PTPRD: variants seen among roughly 807,000 people sequenced by gnomAD.
PTPRD encodes the protein receptor-type tyrosine-protein phosphatase delta.
Under a neutral mutation model 214.5 loss-of-function variants are expected in PTPRD, and 34 were observed. That is an observed-to-expected ratio of 0.16 (90% CI 0.12 to 0.21). PTPRD has a LOEUF of 0.21. Among genes scored for constraint, PTPRD ranks in the 10% least tolerant of loss-of-function variants. The pLI, the probability that PTPRD is intolerant of heterozygous loss-of-function variation, is 1.00. For synonymous variants in PTPRD, 1,128 were observed against 845.7 expected (o/e 1.33, Z -5.79); for missense variants, 2,545 against 2,398.7 (o/e 1.06, Z -1.27).
At chr9:10,302,505 G>T (rs2095893261) in intron 3 of PTPRD, among the ~76,000 whole-genome samples, 1 of 152,190 alleles carries the variant, frequency 6.6e-6, no homozygotes, top group African/African-American at 2.4e-5. Context: ...TTGGTGTGCT[G>T]TATTCGGGAG....
In PTPRD at chr9:8,638,103, C is replaced by CTTT. The variant is rs963311950; in HGVS notation, c.65-1262_65-1260dup. On this transcript the variant is annotated intron_variant, in intron 12 of 45. Transcript: ENST00000381196. ...GCCCCAAAACATTTTGCTGTTCCTT[C>CTTT]TTTTTTTTTTTTTTTTTTAATTTCT... Among the ~76,000 whole-genome samples, 624 of 127,020 alleles carry CTTT rather than the reference C, an allele frequency of 4.9e-3. 3 individuals are homozygous for CTTT. The highest frequency in any genetic ancestry group is 0.018 in the East Asian group (78 of 4,336). 83.3% of individuals were successfully genotyped at this position (127,020 alleles called of 152,430 possible).
At chr9:10,492,596 G>A (rs1032068486) in intron 2 of PTPRD, among the ~76,000 whole-genome samples, 1 of 152,004 alleles carries the variant, frequency 6.6e-6, no homozygotes, top group African/African-American at 2.4e-5. Flanking sequence ...TACATTCCTT[G>A]TAGATTCTGG....
chr9:10,214,546 G>C (rs1230671068), intron 3 of PTPRD, among the ~76,000 whole-genome samples: 1 of 150,412 alleles, frequency 6.6e-6, no homozygotes, highest in Non-Finnish European at 1.5e-5. Flanking sequence ...AAAGTGCTAA[G>C]AATACACACC....
intron 5 of PTPRD, among the ~76,000 whole-genome samples, chr9:9,781,926 G>A (rs953110161): frequency 2.0e-5 from 3 of 151,974 alleles, no homozygotes; most frequent in Admixed American, 2.0e-4. Flanking sequence ...CCAAGTAGCT[G>A]GGACTACAGG....
intron 2 of PTPRD, among the ~76,000 whole-genome samples, chr9:10,484,099 T>C (rs1464069667): frequency 6.6e-6 from 1 of 152,120 alleles, no homozygotes; most frequent in South Asian, 2.1e-4. Flanking sequence ...ACACACACCA[T>C]GGAATACTGC....
At chr9:9,897,873 T>C (rs74509005) in intron 5 of PTPRD, among the ~76,000 whole-genome samples, 3 of 152,188 alleles carry the variant, frequency 2.0e-5, no homozygotes, top group East Asian at 1.9e-4. Context: ...CCTAATAGTA[T>C]ACATTTTAGG....
intron 2 of PTPRD, among the ~76,000 whole-genome samples, chr9:10,364,370 A>G (rs2097470183): frequency 6.6e-6 from 1 of 152,060 alleles, no homozygotes; most frequent in Non-Finnish European, 1.5e-5. Context: ...AAGCTATAGC[A>G]TCTATTTGAT....
chr9:8,682,689 AT>A, intron 12 of PTPRD, among the ~76,000 whole-genome samples: 1 of 152,346 alleles, frequency 6.6e-6, no homozygotes. Flanking sequence ...AGAACATCAC[AT>A]TTAAGGAAAA....
chr9:8,486,160 T>A lies in PTPRD; in HGVS notation c.2657A>T (p.His886Leu), dbSNP rs2097001543. ...KEDHFTATDI[H>L]KGASYVFRLS... Reference sequence around the variant, plus strand: ...CCTGAAGACGTATGATGCTCCCTTGTGGATGTCTGTAGCTGTAAAGTGATC... The same window carrying A: ...CCTGAAGACGTATGATGCTCCCTTGAGGATGTCTGTAGCTGTAAAGTGATC... Residue 886 changes from histidine to leucine, a missense_variant, in exon 28 of 46, where the codon CAC becomes CTC. Transcript: ENST00000381196. 1 of 1,614,204 alleles carries A rather than the reference T, an allele frequency of 6.2e-7. No individual in the cohort carries two copies. Among genetic ancestry groups the A allele is most frequent in the Non-Finnish European group, 8.5e-7 (1 of 1,180,024 alleles).
At chr9:8,837,201 G>C (rs1473411108) in intron 11 of PTPRD, among the ~76,000 whole-genome samples, 1 of 151,712 alleles carries the variant, frequency 6.6e-6, no homozygotes, top group Non-Finnish European at 1.5e-5. Context: ...TTTCAGTAGA[G>C]ACAGAGTTTC....
chr9:9,815,822 A>C (rs1458579908), intron 5 of PTPRD, among the ~76,000 whole-genome samples: 1 of 152,162 alleles, frequency 6.6e-6, no homozygotes, highest in Non-Finnish European at 1.5e-5. Context: ...TGGGGATTTA[A>C]TGTATGACAT....
chr9:9,155,120 A>C (rs1224504164), intron 10 of PTPRD, among the ~76,000 whole-genome samples: 1 of 152,178 alleles, frequency 6.6e-6, no homozygotes, highest in Non-Finnish European at 1.5e-5. Context: ...GTACGAAATG[A>C]CGATTGCCTT....
At chr9:10,273,239 G>A (rs2094513812) in intron 3 of PTPRD, among the ~76,000 whole-genome samples, 1 of 152,148 alleles carries the variant, frequency 6.6e-6, no homozygotes, top group Non-Finnish European at 1.5e-5. Context: ...TCTAGCATCT[G>A]TGTCCCTCTT....
intron 5 of PTPRD, among the ~76,000 whole-genome samples, chr9:9,860,828 C>G (rs752457853): frequency 2.0e-5 from 3 of 152,132 alleles, no homozygotes; most frequent in Non-Finnish European, 4.4e-5. Flanking sequence ...CTTTTATCAC[C>G]AAAGCACAAA....
intron 9 of PTPRD, among the ~76,000 whole-genome samples, chr9:9,380,790 A>T (rs541623465): frequency 6.6e-6 from 1 of 152,220 alleles, no homozygotes; most frequent in East Asian, 1.9e-4. Context: ...CAAAATCTCT[A>T]TGATTGTGGA....
chr9:8,655,273 G>A (rs768536014), intron 12 of PTPRD, among the ~76,000 whole-genome samples: 12 of 152,124 alleles, frequency 7.9e-5, no homozygotes, highest in Non-Finnish European at 1.0e-4. Context: ...TACAACTTCT[G>A]CTTTCCTCCC....
intron 13 of PTPRD, 82 bp from the exon 14 acceptor site, chr9:8,633,540 C>T (rs754936605): frequency 6.7e-7 from 1 of 1,484,464 alleles, no homozygotes; most frequent in Non-Finnish European, 9.2e-7. Context: ...AGTGGTGGAT[C>T]CGCCATTAGG....
intron 8 of PTPRD, among the ~76,000 whole-genome samples, chr9:9,477,939 T>A (rs939806734): frequency 6.6e-6 from 1 of 152,188 alleles, no homozygotes; most frequent in South Asian, 2.1e-4. Flanking sequence ...TGGAGATTGA[T>A]TTGTGTATCT....
At chr9:9,012,889 T>C (rs2099517549) in intron 11 of PTPRD, among the ~76,000 whole-genome samples, 4 of 152,174 alleles carry the variant, frequency 2.6e-5, no homozygotes, top group Admixed American at 2.6e-4. Context: ...CACTATCTAC[T>C]GGCCTACATC....
Sources: gnomAD v4.1 joint callset for allele counts (sites outside exome capture counted in the v4.1 genomes callset) on GRCh38, gnomAD v4.1.1 for gene constraint, MANE v1.5 for transcripts, NCBI Gene and HGNC (gene_info 2026-07-23, HGNC 2026-07-21) for gene names.